RNF115: variants seen among roughly 807,000 people sequenced by gnomAD.
The protein encoded by RNF115 is ring finger protein 115, also known as E3 ubiquitin-protein ligase RNF115.
A neutral mutation model predicts 39.2 loss-of-function variants in RNF115; 31 were observed. The ratio of observed to expected loss-of-function variants is 0.79; its 90% CI spans 0.59 to 1.07. The LOEUF (loss-of-function observed/expected upper bound fraction) is 1.07. Among genes scored for constraint, RNF115 ranks in the 50% least tolerant of loss-of-function variants. The pLI is 0.00. For missense variants in RNF115, 384 were observed against 381.7 expected (o/e 1.01, Z -0.05); for synonymous variants, 124 against 131.0 (o/e 0.95, Z 0.37).
intron 1 of RNF115, among the ~76,000 whole-genome samples, chr1:145,807,183 C>T (rs1172572843): frequency 2.6e-5 from 4 of 152,180 alleles, no homozygotes; most frequent in Admixed American, 1.3e-4. Context: ...ATTCGAAGTG[C>T]TGTACTTCAC....
intron 6 of RNF115, 150 bp from the exon 7 acceptor site, chr1:145,750,650 T>C: frequency 1.6e-6 from 1 of 615,136 alleles, no homozygotes; most frequent in South Asian, 2.1e-5. Flanking sequence ...GGGTTTCCCC[T>C]TTCCTGCTGC....
At chr1:145,780,039 C>T (rs1648054858) in intron 3 of RNF115, among the ~76,000 whole-genome samples, 1 of 151,878 alleles carries the variant, frequency 6.6e-6, no homozygotes, top group Non-Finnish European at 1.5e-5. Context: ...ACCAGCCTGG[C>T]CAACGTGGTA....
At chr1:145,821,105 T>C in intron 1 of RNF115, among the ~76,000 whole-genome samples, 1 of 102,718 alleles carries the variant, frequency 9.7e-6, no homozygotes, top group East Asian at 2.4e-4. Context: ...CATATCCTCA[T>C]TCCCTTTATG....
chr1:145,817,034 A>C (rs1431616547), intron 1 of RNF115, among the ~76,000 whole-genome samples: 24 of 62,874 alleles, frequency 3.8e-4, no homozygotes, highest in African/African-American at 1.0e-3. Flanking sequence ...TAGATAATGC[A>C]TAGGAGAATG....
At chr1:145,756,162 G>C (rs1199283641) in intron 4 of RNF115, among the ~76,000 whole-genome samples, 2 of 152,056 alleles carry the variant, frequency 1.3e-5, no homozygotes, top group Non-Finnish European at 2.9e-5. Context: ...ACACTTCTTT[G>C]TTAAGACCTC....
chr1:145,815,370 T>C (rs1214348861), intron 1 of RNF115, among the ~76,000 whole-genome samples: 2 of 152,282 alleles, frequency 1.3e-5, no homozygotes, highest in Non-Finnish European at 2.9e-5. Context: ...GAAGATACCC[T>C]GATCTCCATA....
At chr1:145,748,456 T>C (rs1335817376) in intron 7 of RNF115, among the ~76,000 whole-genome samples, 1 of 152,142 alleles carries the variant, frequency 6.6e-6, no homozygotes, top group Non-Finnish European at 1.5e-5. Flanking sequence ...ATCTTCCCAA[T>C]GTGTGACAGC....
chr1:145,799,713 G>A (rs1360558265), intron 1 of RNF115, among the ~76,000 whole-genome samples: 2 of 152,208 alleles, frequency 1.3e-5, no homozygotes, highest in African/African-American at 2.4e-5. Context: ...CCACCAAAGC[G>A]TCCCAAGTAG....
At chr1:145,750,526 C>G (rs376882223) in intron 6 of RNF115, 26 bp from the exon 7 acceptor site, 8 of 1,578,652 alleles carry the variant, frequency 5.1e-6, no homozygotes, top group Non-Finnish European at 7.0e-6. Context: ...AAGAAAAAGA[C>G]GAAGTGGCAG....
At chr1:145,777,410 CT>C (rs1409406072) in intron 3 of RNF115, among the ~76,000 whole-genome samples, 2 of 152,086 alleles carry the variant, frequency 1.3e-5, no homozygotes, top group Non-Finnish European at 2.9e-5. Context: ...CATTTTCCTA[CT>C]AGTATACAAA....
intron 5 of RNF115, among the ~76,000 whole-genome samples, chr1:145,752,167 G>A (rs1480947248): frequency 3.3e-5 from 5 of 152,106 alleles, no homozygotes; most frequent in African/African-American, 9.7e-5. Flanking sequence ...TAATTTCTCA[G>A]ACAAGAAGAA....
Position 145,751,495 on chromosome 1 carries a change from G to A in RNF115, c.516C>T (p.His172=). Residue 172 remains histidine (H), a synonymous_variant, in exon 6 of 9, where the codon CAC becomes CAT. Transcript: ENST00000582693. ...CCCAGGCATAGTCCCCAGGGTTGGAGTGCAGCATCCCGCTCCTATACGTGA... is the reference window on the plus strand; with the variant it reads ...CCCAGGCATAGTCCCCAGGGTTGGAATGCAGCATCCCGCTCCTATACGTGA... ...PHPFSWSGML[H]SNPGDYAWGQ... 1.3e-6 allele frequency: 2 copies of A among 1,598,778 alleles called. No homozygotes were observed. The highest frequency in any genetic ancestry group is 1.7e-6 in the Non-Finnish European group (2 of 1,172,124).
At chr1:145,803,995 G>A (rs587664664) in intron 1 of RNF115, among the ~76,000 whole-genome samples, 1 of 152,298 alleles carries the variant, frequency 6.6e-6, no homozygotes, top group South Asian at 2.1e-4. Flanking sequence ...AGCAAGAAAG[G>A]GAACAACCCA....
At chr1:145,762,706 G>GT (rs1658582630) in intron 4 of RNF115, among the ~76,000 whole-genome samples, 1 of 151,376 alleles carries the variant, frequency 6.6e-6, no homozygotes, top group Non-Finnish European at 1.5e-5. Flanking sequence ...ACCAAAAAAA[G>GT]TCAGTTCTCA....
intron 4 of RNF115, among the ~76,000 whole-genome samples, chr1:145,767,375 G>C (rs1571728712): frequency 6.6e-6 from 1 of 151,834 alleles, no homozygotes; most frequent in East Asian, 1.9e-4. Context: ...ATCCCAGACG[G>C]GGTGGCAGGG....
intron 4 of RNF115, among the ~76,000 whole-genome samples, chr1:145,760,429 G>T (rs782050665): frequency 2.6e-5 from 4 of 152,142 alleles, no homozygotes; most frequent in African/African-American, 4.8e-5. Context: ...AGCTTGAATT[G>T]TATCTCCCAG....
chr1:145,765,734 TTAAC>T (rs1219524788), intron 4 of RNF115, among the ~76,000 whole-genome samples: 3 of 152,222 alleles, frequency 2.0e-5, no homozygotes, highest in East Asian at 1.9e-4. Context: ...CAAGACCTAA[TTAAC>T]TATCATTCAA....
intron 1 of RNF115, among the ~76,000 whole-genome samples, chr1:145,795,476 T>A (rs1444472185): frequency 6.6e-6 from 1 of 152,154 alleles, no homozygotes; most frequent in Non-Finnish European, 1.5e-5. Flanking sequence ...TACAGAGTGC[T>A]GATTGGTACA....
intron 1 of RNF115, among the ~76,000 whole-genome samples, chr1:145,820,141 A>G (rs1295641213): frequency 6.7e-6 from 1 of 149,786 alleles, no homozygotes; most frequent in African/African-American, 2.5e-5. Context: ...AATAAATGTG[A>G]TTCATCACAT....
Sources: gnomAD v4.1 joint callset for allele counts (sites outside exome capture counted in the v4.1 genomes callset) on GRCh38, gnomAD v4.1.1 for gene constraint, MANE v1.5 for transcripts, NCBI Gene and HGNC (gene_info 2026-07-23, HGNC 2026-07-21) for gene names.